Variants in PABPC4L observed in about 807,000 individuals in gnomAD.
The protein encoded by PABPC4L is poly(A) binding protein cytoplasmic 4 like.
For synonymous variants in PABPC4L, 169 were observed against 164.1 expected (o/e 1.03, Z -0.23); for missense variants, 452 against 451.4 (o/e 1.00, Z -0.01).
rs758010622 is a variant in PABPC4L at position 134,200,692 on chromosome 4, C to T, written c.328G>A (p.Asp110Asn). 3.2e-6 allele frequency: 5 copies of T among 1,551,652 alleles called. No homozygotes were observed. Among genetic ancestry groups the T allele is most frequent in the Middle Eastern group, 1.7e-4 (1 of 5,992 alleles). Residue 110 changes from aspartate (D) to asparagine (N), a missense_variant, in exon 2 of 2, where the codon GAT becomes AAT. Physicochemically the swap from Asp to Asn is conservative, Grantham distance 23 (BLOSUM62 1). Transcript: ENST00000421491. ...AAATGTTCATAAAGGGTTTTGTTAT[C>T]GATAGATTTGTCCAGATTCTTGATG... Reference protein sequence around the residue: ...VFIKNLDKSIDNKTLYEHFSA... With the variant: ...VFIKNLDKSINNKTLYEHFSA...
At chr4:134,184,279 T>C in the PABPC4L span, among the ~76,000 whole-genome samples, 1 of 151,884 alleles carries the variant, frequency 6.6e-6, no homozygotes, top group Non-Finnish European at 1.5e-5. Flanking sequence ...CTGCTGAATG[T>C]CTAAATAGAA....
chr4:134,061,620 CAGAGAGAGAGAGAGAGAG>C, the PABPC4L span, among the ~76,000 whole-genome samples: 27,738 of 143,424 alleles, frequency 0.19, 3,195 homozygotes, highest in Middle Eastern at 0.26. Context: ...CAAACATACA[CAGAGAGAGAGAGAGAGAG>C]AGAGAGAGAG....
the PABPC4L span, among the ~76,000 whole-genome samples, chr4:134,035,129 C>T: frequency 6.6e-6 from 1 of 152,018 alleles, no homozygotes; most frequent in Non-Finnish European, 1.5e-5. Flanking sequence ...GATTATGACT[C>T]TCTAAAGGCT....
chr4:134,112,737 A>T, the PABPC4L span, among the ~76,000 whole-genome samples: 1 of 151,972 alleles, frequency 6.6e-6, no homozygotes, highest in Non-Finnish European at 1.5e-5. Flanking sequence ...GTGTGTACAT[A>T]TATTTGTAGG....
the PABPC4L span, among the ~76,000 whole-genome samples, chr4:134,017,599 T>C: frequency 1.3e-5 from 2 of 152,230 alleles, no homozygotes; most frequent in South Asian, 2.1e-4. Flanking sequence ...GGCAGGACTA[T>C]GCTGAATCTC....
chr4:134,043,024 T>C, the PABPC4L span, among the ~76,000 whole-genome samples: 1 of 152,136 alleles, frequency 6.6e-6, no homozygotes, highest in African/African-American at 2.4e-5. Flanking sequence ...TAGATTACTT[T>C]GAAATCTCTG....
At chr4:133,992,686 G>A in the PABPC4L span, among the ~76,000 whole-genome samples, 5 of 152,100 alleles carry the variant, frequency 3.3e-5, no homozygotes, top group South Asian at 2.1e-4. Context: ...TAGCAGGTAC[G>A]GGTTGCAGAC....
the PABPC4L span, among the ~76,000 whole-genome samples, chr4:134,121,400 T>C: frequency 4.0e-5 from 6 of 151,818 alleles, no homozygotes; most frequent in African/African-American, 1.2e-4. Context: ...TGAATGATGT[T>C]ACCTTTCTCC....
At chr4:134,053,236 A>G in the PABPC4L span, among the ~76,000 whole-genome samples, 1 of 152,136 alleles carries the variant, frequency 6.6e-6, no homozygotes, top group Non-Finnish European at 1.5e-5. Context: ...CAGTTTCCAG[A>G]AATGAACTTG....
the PABPC4L span, among the ~76,000 whole-genome samples, chr4:133,960,958 C>T: frequency 5.6e-4 from 85 of 152,102 alleles, no homozygotes; most frequent in Non-Finnish European, 3.2e-4. Context: ...GTGCCCTGAC[C>T]TGATGGTCTT....
chr4:134,174,676 A>C, the PABPC4L span, among the ~76,000 whole-genome samples: 3 of 152,104 alleles, frequency 2.0e-5, no homozygotes. Context: ...ATATATGTTT[A>C]TATGTGTCTG....
the PABPC4L span, among the ~76,000 whole-genome samples, chr4:134,113,177 T>C: frequency 6.6e-6 from 1 of 151,910 alleles, no homozygotes; most frequent in Non-Finnish European, 1.5e-5. Flanking sequence ...TTTAAGAGTT[T>C]AGAAAGTAAA....
chr4:134,077,133 T>C, the PABPC4L span, among the ~76,000 whole-genome samples: 1 of 152,212 alleles, frequency 6.6e-6, no homozygotes, highest in African/African-American at 2.4e-5. Context: ...TGGGTATATA[T>C]GTGCACGCAT....
chr4:134,044,650 G>T, the PABPC4L span, among the ~76,000 whole-genome samples: 1 of 152,148 alleles, frequency 6.6e-6, no homozygotes, highest in South Asian at 2.1e-4. Flanking sequence ...TCATAGGCTA[G>T]ATATGAAAGG....
chr4:134,079,470 T>C, the PABPC4L span, among the ~76,000 whole-genome samples: 2 of 149,438 alleles, frequency 1.3e-5, no homozygotes, highest in Non-Finnish European at 3.0e-5. Flanking sequence ...TCCCAGCTAC[T>C]CCAGAGGCTG....
At chr4:134,062,690 T>C in the PABPC4L span, among the ~76,000 whole-genome samples, 1 of 152,150 alleles carries the variant, frequency 6.6e-6, no homozygotes, top group African/African-American at 2.4e-5. Flanking sequence ...GATATTTTAC[T>C]ATGCTATTTT....
the PABPC4L span, among the ~76,000 whole-genome samples, chr4:134,111,086 G>C: frequency 1.3e-5 from 2 of 152,118 alleles, no homozygotes; most frequent in African/African-American, 4.8e-5. Context: ...GGTGCCAGTA[G>C]TTTCAGTTAT....
the PABPC4L span, among the ~76,000 whole-genome samples, chr4:134,099,609 A>G: frequency 2.0e-5 from 3 of 151,694 alleles, no homozygotes; most frequent in Non-Finnish European, 4.4e-5. Context: ...AAAAACTTTT[A>G]AAAAACAATT....
At chr4:134,126,988 G>C in the PABPC4L span, among the ~76,000 whole-genome samples, 1 of 152,120 alleles carries the variant, frequency 6.6e-6, no homozygotes, top group Non-Finnish European at 1.5e-5. Context: ...TGGGCGCAGG[G>C]TGAGGTCTGT....
Sources: allele counts gnomAD v4.1 joint callset (sites outside exome capture counted in the v4.1 genomes callset), GRCh38; gene constraint gnomAD v4.1.1; transcripts MANE v1.5; gene names NCBI Gene and HGNC (gene_info 2026-07-23, HGNC 2026-07-21).